Variants in FAF1 observed in about 807,000 individuals in gnomAD.
FAF1 encodes Fas associated factor 1.
A neutral mutation model predicts 92.5 loss-of-function variants in FAF1; 25 were observed. The observed-to-expected ratio is 0.27, with a 90% confidence interval of 0.20 to 0.38. The LOEUF (loss-of-function observed/expected upper bound fraction) is 0.38, where lower values mean the gene tolerates loss of function less well. Among genes scored for constraint, FAF1 ranks in the 10% least tolerant of loss-of-function variants. FAF1 has a pLI of 1.00. For missense variants in FAF1, 636 were observed against 793.3 expected, an observed-to-expected ratio of 0.80 and a Z score of 2.38; for synonymous variants, 234 against 273.2, an observed-to-expected ratio of 0.86 and a Z score of 1.42.
chr1:50,456,255 C>G (rs1418307402), intron 18 of FAF1, among the ~76,000 whole-genome samples: 1 of 152,060 alleles, frequency 6.6e-6, no homozygotes. Flanking sequence ...GTGCCACCCA[C>G]AATCTTCTAA....
At position 50,766,350 on chromosome 1, in the gene FAF1, C is replaced by T. The variant is rs752704152; in HGVS notation, c.368-21575G>A. On this transcript the variant is annotated intron_variant, in intron 4 of 18. Transcript: ENST00000396153. ...CCCTAGAATACTTTTTGTTTATAAA[C>T]TATGAAAGTTATTGCTTTGAGCAAA... 2.6e-5 allele frequency among the ~76,000 whole-genome samples: 4 copies of T among 152,072 alleles called. No homozygotes were observed. In the East Asian group the frequency reaches 7.7e-4, roughly 29 times the overall value.
intron 4 of FAF1, among the ~76,000 whole-genome samples, chr1:50,753,494 T>A (rs12561912): frequency 6.6e-6 from 1 of 152,050 alleles, no homozygotes; most frequent in Non-Finnish European, 1.5e-5. Flanking sequence ...CCATTTCTCT[T>A]GAGAACCTAT....
At position 50,672,540 on chromosome 1, in the gene FAF1, A is replaced by C. The variant is rs535411685; in HGVS notation, c.658-17012T>G. On this transcript the variant is annotated intron_variant, in intron 7 of 18. Transcript: ENST00000396153. Reference sequence around the variant, plus strand: ...TCAAACAATCTGCCTACCTCGACCTACCAAAGTGCTGGGATTATAGGCGTG... The same window carrying C: ...TCAAACAATCTGCCTACCTCGACCTCCCAAAGTGCTGGGATTATAGGCGTG... 9.4e-5 allele frequency among the ~76,000 whole-genome samples: 14 copies of C among 148,292 alleles called. No homozygotes were observed. The South Asian group carries it at 2.2e-3, about 23-fold the overall frequency.
intron 3 of FAF1, among the ~76,000 whole-genome samples, chr1:50,793,153 C>T (rs1178165061): frequency 6.6e-6 from 1 of 152,086 alleles, no homozygotes; most frequent in African/African-American, 2.4e-5. Context: ...TGTGGAGAAC[C>T]ACAGTCACTT....
intron 15 of FAF1, among the ~76,000 whole-genome samples, chr1:50,510,008 A>C (rs1265232538): frequency 1.3e-5 from 2 of 151,818 alleles, no homozygotes; most frequent in Non-Finnish European, 2.9e-5. Flanking sequence ...TCTCTACTAA[A>C]ATACAAAAAA....
intron 1 of FAF1, among the ~76,000 whole-genome samples, chr1:50,889,588 G>C (rs1324889136): frequency 6.6e-6 from 1 of 151,986 alleles, no homozygotes; most frequent in African/African-American, 2.4e-5. Flanking sequence ...TGGTTTCAAA[G>C]AACATCTTTA....
chr1:50,659,654 T>A (rs926807905), intron 7 of FAF1, among the ~76,000 whole-genome samples: 1 of 152,188 alleles, frequency 6.6e-6, no homozygotes, highest in Admixed American at 6.5e-5. Flanking sequence ...TCAATTCTTG[T>A]TTTACATGCA....
Position 50,439,112 on chromosome 1 carries a change from C to T in FAF1, c.*2328G>A, listed in dbSNP as rs926804313. The T allele has an allele frequency of 1.3e-5, 2 of 152,224 alleles. No individual in the cohort carries two copies. Among genetic ancestry groups the T allele is most frequent in the Non-Finnish European group, 1.5e-5 (1 of 68,056 alleles). 9.4% of individuals were successfully genotyped at this position (152,224 alleles called of 1,614,324 possible). A position where few individuals can be genotyped will look rare whatever the true frequency, so the allele number is the denominator to read the frequency against. ...TGTCAACAGTTGGGCATAAGAATGC[C>T]AAGCAAATATTCAGACTGACTCACT... On this transcript the variant is annotated 3_prime_UTR_variant, in exon 19 of 19. Transcript: ENST00000396153.
chr1:50,815,841 T>G (rs1035810426), intron 2 of FAF1, among the ~76,000 whole-genome samples: 1 of 152,028 alleles, frequency 6.6e-6, no homozygotes, highest in Admixed American at 6.5e-5. Context: ...CTGGCCAACA[T>G]GGTGAAACCC....
At chr1:50,877,946 T>C (rs1016413817) in intron 1 of FAF1, among the ~76,000 whole-genome samples, 3 of 152,214 alleles carry the variant, frequency 2.0e-5, no homozygotes. Flanking sequence ...CATTTTCACC[T>C]AGCAGCTGCT....
intron 1 of FAF1, among the ~76,000 whole-genome samples, chr1:50,866,257 G>A (rs965909496): frequency 6.6e-6 from 1 of 152,066 alleles, no homozygotes; most frequent in African/African-American, 2.4e-5. Context: ...AAAGCTGAAA[G>A]CATTCCCCCT....
rs187452187 is a variant in FAF1 at position 50,443,524 on chromosome 1, A to T, written c.1870-2001T>A. Among the ~76,000 whole-genome samples the T allele has an allele frequency of 4.1e-4, 63 of 152,358 alleles. No individual in the cohort carries two copies. The East Asian group carries it at 8.9e-3, about 21-fold the overall frequency. On this transcript the variant is annotated intron_variant, in intron 18 of 18. Coordinates refer to ENST00000396153, the MANE Select transcript of FAF1 (RefSeq NM_007051.3). ...AAGTGGTTACCACTTGTTTACAGCCATATGGTTAATAAGTGTCTATAAAGC... is the reference window on the plus strand; with the variant it reads ...AAGTGGTTACCACTTGTTTACAGCCTTATGGTTAATAAGTGTCTATAAAGC...
In FAF1 at chr1:50,642,686, G is replaced by A. The variant is rs72900933; in HGVS notation, c.744+12756C>T. Among the ~76,000 whole-genome samples the A allele has an allele frequency of 6.5e-3, 982 of 152,044 alleles. 19 individuals carry two copies. Among genetic ancestry groups the A allele is most frequent in the African/African-American group, 0.023 (937 of 41,468 alleles). On this transcript the variant is annotated intron_variant, in intron 8 of 18. Transcript: ENST00000396153. Reference sequence around the variant, plus strand: ...AATAAAATAAAATAAAATTCTTGTAGTCAGTTGAATCTTGTTTTTTAAAGT... The same window carrying A: ...AATAAAATAAAATAAAATTCTTGTAATCAGTTGAATCTTGTTTTTTAAAGT...
intron 6 of FAF1, among the ~76,000 whole-genome samples, chr1:50,729,187 C>A (rs1214562479): frequency 2.0e-5 from 3 of 151,162 alleles, no homozygotes; most frequent in African/African-American, 7.3e-5. Flanking sequence ...TCCCAAATAG[C>A]CGGGATAACA....
chr1:50,535,257 A>T (rs1431657142), intron 15 of FAF1, 112 bp downstream of exon 15: 4 of 704,314 alleles, frequency 5.7e-6, no homozygotes, highest in Non-Finnish European at 9.5e-6. Context: ...TTGGAAATGC[A>T]TCTTCATCAT....
intron 7 of FAF1, among the ~76,000 whole-genome samples, chr1:50,674,986 G>T (rs530760051): frequency 6.6e-6 from 1 of 152,174 alleles, no homozygotes; most frequent in East Asian, 1.9e-4. Context: ...CGCCTCCTGG[G>T]TTCAACCAAT....
intron 3 of FAF1, among the ~76,000 whole-genome samples, chr1:50,795,957 G>A (rs74080080): frequency 6.6e-6 from 1 of 151,816 alleles, no homozygotes; most frequent in African/African-American, 2.4e-5. Flanking sequence ...TGTCTAGTAA[G>A]AATGGAAAAT....
chr1:50,724,296 T>TAAACACACACACACACAC (rs1553132403), intron 6 of FAF1, among the ~76,000 whole-genome samples: 5 of 117,218 alleles, frequency 4.3e-5, no homozygotes, highest in Non-Finnish European at 9.3e-5. Context: ...CACACACACA[T>TAAACACACACACACACAC]ACACACACAC....
intron 13 of FAF1, among the ~76,000 whole-genome samples, chr1:50,554,854 G>A (rs764227854): frequency 6.6e-6 from 1 of 152,124 alleles, no homozygotes; most frequent in Admixed American, 6.5e-5. Context: ...ATCTAGAAAT[G>A]TTATACTACT....
Sources: gnomAD v4.1 joint callset for allele counts (sites outside exome capture counted in the v4.1 genomes callset) on GRCh38, gnomAD v4.1.1 for gene constraint, MANE v1.5 for transcripts, NCBI Gene and HGNC (gene_info 2026-07-23, HGNC 2026-07-21) for gene names.